Variants in NCKAP1 observed in about 807,000 individuals in gnomAD.
The protein encoded by NCKAP1 is NCK associated protein 1.
A neutral mutation model predicts 151.2 loss-of-function variants in NCKAP1; 21 were observed. The ratio of observed to expected loss-of-function variants is 0.14; its 90% CI spans 0.10 to 0.20. The LOEUF (loss-of-function observed/expected upper bound fraction) is 0.20, where lower values mean the gene tolerates loss of function less well. Among genes scored for constraint, NCKAP1 ranks in the 10% least tolerant of loss-of-function variants. The pLI is 1.00. For missense variants in NCKAP1, 933 were observed against 1,352.1 expected, an observed-to-expected ratio of 0.69 and a Z score of 4.86; for synonymous variants, 484 against 451.8, an observed-to-expected ratio of 1.07 and a Z score of -0.90.
intron 15 of NCKAP1, among the ~76,000 whole-genome samples, chr2:182,969,940 A>C (rs1697652344): frequency 6.6e-6 from 1 of 152,068 alleles, no homozygotes; most frequent in Non-Finnish European, 1.5e-5. Context: ...GAAATAGAAA[A>C]GGAGACATTA....
rs1312199691 is a variant in NCKAP1, at chr2:183,038,440, G to GCGT, written c.-344_-342dup. ...TGTGGCGGCGGCGGCGGCGGCGGCG[G>GCGT]CGTCTCCGGCGGCTGAGAACGAGGC... On this transcript the variant is annotated 5_prime_UTR_variant, in exon 1 of 31. Coordinates refer to ENST00000361354, the MANE Select transcript of NCKAP1 (RefSeq NM_013436.5). 2.7e-5 allele frequency: 5 copies of GCGT among 186,944 alleles called. No individual in the cohort carries two copies. Among genetic ancestry groups the GCGT allele is most frequent in the Non-Finnish European group, 5.3e-5 (5 of 94,968 alleles). 11.6% of individuals were successfully genotyped at this position (186,944 alleles called of 1,614,324 possible).
chr2:182,997,058 A>G (rs1327010880), intron 6 of NCKAP1, among the ~76,000 whole-genome samples: 1 of 152,166 alleles, frequency 6.6e-6, no homozygotes, highest in Non-Finnish European at 1.5e-5. Flanking sequence ...GTAGTCTCTG[A>G]TAATATTTTG....
At chr2:182,990,953 C>G (rs1237134684) in intron 8 of NCKAP1, among the ~76,000 whole-genome samples, 2 of 152,122 alleles carry the variant, frequency 1.3e-5, no homozygotes, top group Non-Finnish European at 2.9e-5. Context: ...ATTATTCAAT[C>G]TGGCACACAA....
At position 182,952,931 on chromosome 2, in the gene NCKAP1, G is replaced by A. The variant is rs370408066; in HGVS notation, c.2373-8C>T. 1.6e-5 allele frequency: 26 copies of A among 1,606,302 alleles called. No homozygotes were observed. The highest frequency in any genetic ancestry group is 2.0e-5 in the Non-Finnish European group (24 of 1,177,488). On this transcript the variant is annotated splice_polypyrimidine_tract_variant and splice_region_variant and intron_variant, in intron 21 of 30. Transcript: ENST00000361354. The stretch of plus-strand genomic sequence containing the variant: ...AACAAAGTTTCCAAATACCTAAGGA[G>A]AAACGTAAACTTATAACCGGAAGAA...
intron 23 of NCKAP1, among the ~76,000 whole-genome samples, chr2:182,951,800 CAT>C (rs1337719677): frequency 1.3e-5 from 2 of 152,024 alleles, no homozygotes; most frequent in Non-Finnish European, 1.5e-5. Context: ...TCAAAAACTA[CAT>C]AGTTATTATA....
At chr2:182,947,415 T>G (rs918995521) in intron 23 of NCKAP1, among the ~76,000 whole-genome samples, 1 of 152,146 alleles carries the variant, frequency 6.6e-6, no homozygotes, top group African/African-American at 2.4e-5. Flanking sequence ...ACACCCTTGT[T>G]CCACAAGGCC....
intron 27 of NCKAP1, among the ~76,000 whole-genome samples, chr2:182,929,805 C>G (rs548955605): frequency 1.3e-5 from 2 of 150,774 alleles, no homozygotes; most frequent in Non-Finnish European, 3.0e-5. Flanking sequence ...CATGCTGCTG[C>G]CTCAAGGAGG....
At position 182,941,131 on chromosome 2, in the gene NCKAP1, CA is replaced by C. The variant is rs755239455; in HGVS notation, c.2695+938del. Among the ~76,000 whole-genome samples, 434 of 141,436 alleles carry C rather than the reference CA, an allele frequency of 3.1e-3. 1 individual carries two copies. The highest frequency in any genetic ancestry group is 3.4e-3 in the East Asian group (16 of 4,710). 92.8% of individuals were successfully genotyped at this position (141,436 alleles called of 152,430 possible). On this transcript the variant is annotated intron_variant, in intron 24 of 30. Coordinates refer to ENST00000361354, the MANE Select transcript of NCKAP1 (RefSeq NM_013436.5). ...ACAAAGAATATTTTATTTGGGATTT[CA>C]TTTTTTTTTTTTAGTGTTGAGAAGG...
At chr2:182,987,409 T>C (rs1028301281) in intron 9 of NCKAP1, among the ~76,000 whole-genome samples, 2 of 152,206 alleles carry the variant, frequency 1.3e-5, no homozygotes, top group Non-Finnish European at 2.9e-5. Context: ...TTTATACTTA[T>C]GGTTTGATGA....
At chr2:182,946,637 T>C (rs940024636) in intron 23 of NCKAP1, among the ~76,000 whole-genome samples, 3 of 150,940 alleles carry the variant, frequency 2.0e-5, no homozygotes, top group Non-Finnish European at 1.5e-5. Context: ...ATGTAAACTA[T>C]GTAGAAGTGC....
intron 15 of NCKAP1, among the ~76,000 whole-genome samples, chr2:182,972,057 A>T (rs956113870): frequency 6.6e-6 from 1 of 152,116 alleles, no homozygotes; most frequent in African/African-American, 2.4e-5. Flanking sequence ...AAGCAAAAAA[A>T]TGGATAAATA....
intron 2 of NCKAP1, among the ~76,000 whole-genome samples, chr2:183,004,695 C>T (rs1303590376): frequency 2.0e-5 from 3 of 151,858 alleles, no homozygotes; most frequent in Non-Finnish European, 2.9e-5. Context: ...ACCAGCCTGA[C>T]CAACATGGTG....
In NCKAP1 at chr2:182,962,297, A is replaced by T; in HGVS notation, c.1762-19T>A. The T allele has an allele frequency of 6.4e-7, 1 of 1,572,846 alleles. No homozygotes were observed. The highest frequency in any genetic ancestry group is 8.7e-7 in the Non-Finnish European group (1 of 1,150,916). ...GATGTCGCTGTGAAGGCAGAATAATAATAATAATACAAGTTATAAAGAAAG... is the reference window on the plus strand; with the variant it reads ...GATGTCGCTGTGAAGGCAGAATAATTATAATAATACAAGTTATAAAGAAAG... On this transcript the variant is annotated intron_variant, in intron 17 of 30. Transcript: ENST00000361354.
Position 183,038,016 on chromosome 2 carries a change from G to T in NCKAP1, c.84C>A (p.Leu28=), listed in dbSNP as rs759611819. The T allele has an allele frequency of 6.3e-7, 1 of 1,579,604 alleles. No homozygotes were observed. The highest frequency in any genetic ancestry group is 1.7e-5 in the Admixed American group (1 of 57,570). ...CCTTCTTGATGTTGTAGAGGCGGGT[G>T]AGCATGCCGACGCCCCGGTCGTTGA... is the stretch of plus-strand genomic sequence containing the variant. The part of the protein sequence containing the change: ...TILNDRGVGM[L]TRLYNIKKAC... Residue 28 remains leucine (L), a synonymous_variant, in exon 1 of 31, where the codon CTC becomes CTA. Transcript: ENST00000361354.
intron 15 of NCKAP1, among the ~76,000 whole-genome samples, chr2:182,976,225 T>TAC (rs1697820063): frequency 6.6e-6 from 1 of 152,256 alleles, no homozygotes; most frequent in African/African-American, 2.4e-5. Flanking sequence ...GGTTACAGTA[T>TAC]ACACCAAGGT....
chr2:182,995,648 A>G (rs1056722281), intron 7 of NCKAP1, 53 bp downstream of exon 7: 12 of 1,542,306 alleles, frequency 7.8e-6, no homozygotes, highest in Non-Finnish European at 1.1e-5. Context: ...CTGAACTATT[A>G]TTTTTTTAAA....
At position 182,934,410 on chromosome 2, in the gene NCKAP1, G is replaced by A. The variant is rs922817071; in HGVS notation, c.2859+342C>T. On this transcript the variant is annotated intron_variant, in intron 26 of 30. Transcript: ENST00000361354. The stretch of plus-strand genomic sequence containing the variant: ...GATCTGCCAGCCTCGGCCTCCCAAA[G>A]TGCTGGGATTACAGGCGTGAGCCAC... 3.2e-5 allele frequency: 5 copies of A among 155,896 alleles called. No homozygotes were observed. In the East Asian group the frequency reaches 9.4e-4, roughly 29 times the overall value. 9.7% of individuals were successfully genotyped at this position (155,896 alleles called of 1,614,324 possible).
At chr2:182,977,346 T>C (rs1697845218) in intron 14 of NCKAP1, among the ~76,000 whole-genome samples, 1 of 151,818 alleles carries the variant, frequency 6.6e-6, no homozygotes, top group Non-Finnish European at 1.5e-5. Flanking sequence ...AAAAATTAGC[T>C]GGGTGTGGTG....
rs1696358370 is a variant in NCKAP1 at position 182,909,706 on chromosome 2, G to A, written c.*15996C>T. 1 of 152,068 alleles carries A rather than the reference G, an allele frequency of 6.6e-6. No homozygotes were observed. The highest frequency in any genetic ancestry group is 2.1e-4 in the South Asian group (1 of 4,818). 9.4% of individuals were successfully genotyped at this position (152,068 alleles called of 1,614,324 possible). On this transcript the variant is annotated 3_prime_UTR_variant, in exon 31 of 31. Coordinates refer to ENST00000361354, the MANE Select transcript of NCKAP1 (RefSeq NM_013436.5). ...AGGTTTCCTTGAGAAGATATTTAGG[G>A]CACAGGACACCAAAATACAAATAAG...
Sources: gnomAD v4.1 joint callset for allele counts (sites outside exome capture counted in the v4.1 genomes callset) on GRCh38, gnomAD v4.1.1 for gene constraint, MANE v1.5 for transcripts, NCBI Gene and HGNC (gene_info 2026-07-23, HGNC 2026-07-21) for gene names.